The following SLAIN2 variants were observed in gnomAD, a reference collection of about 807,000 sequenced individuals.
The protein encoded by SLAIN2 is SLAIN family member 2, also known as SLAIN motif-containing protein 2.
SLAIN2 carries 31 observed loss-of-function variants against 56.6 expected under a neutral mutation model. The observed-to-expected ratio is 0.55, with a 90% confidence interval of 0.41 to 0.74. The LOEUF is 0.74. SLAIN2 is among the 30% of genes least tolerant of loss of function. The probability of loss-of-function intolerance (pLI) is 0.00; values close to 1 mark genes in which losing one functional copy is unlikely to be tolerated. For missense variants in SLAIN2, 777 were observed against 754.2 expected, an observed-to-expected ratio of 1.03 and a Z score of -0.35; for synonymous variants, 317 against 284.9, an observed-to-expected ratio of 1.11 and a Z score of -1.13.
chr4:48,412,802 T>C (rs554490485), intron 6 of SLAIN2, among the ~76,000 whole-genome samples: 1 of 152,318 alleles, frequency 6.6e-6, no homozygotes, highest in South Asian at 2.1e-4. Context: ...GGTTTCTGTG[T>C]CTTTCTCTTT....
Position 48,383,610 on chromosome 4 carries a change from AGAATAT to A in SLAIN2, c.1223-34_1223-29del, listed in dbSNP as rs749099253. On this transcript the variant is annotated intron_variant, in intron 5 of 7. Coordinates refer to ENST00000264313, the MANE Select transcript of SLAIN2 (RefSeq NM_020846.2). ...AATATTTTAATTTTCTCCATCTGAA[AGAATAT>A]GATTTTTTTAAAATTAAAATTCTGT... is the stretch of plus-strand genomic sequence containing the variant. 8 of 1,464,352 alleles carry A rather than the reference AGAATAT, an allele frequency of 5.5e-6. No homozygotes were observed. In the South Asian group the frequency reaches 7.2e-5, roughly 13 times the overall value. The allele number at this position is 1,464,352 out of a possible 1,614,324, so 90.7% of individuals were successfully genotyped here. A position where few individuals can be genotyped will look rare whatever the true frequency, so the allele number is the denominator to read the frequency against.
chr4:48,418,485 A>G (rs1351412989), intron 6 of SLAIN2, among the ~76,000 whole-genome samples: 1 of 152,148 alleles, frequency 6.6e-6, no homozygotes, highest in Non-Finnish European at 1.5e-5. Context: ...CCAACCTTGC[A>G]TCTTGGAATA....
intron 1 of SLAIN2, among the ~76,000 whole-genome samples, chr4:48,367,894 C>T (rs1715561220): frequency 6.6e-6 from 1 of 151,940 alleles, no homozygotes; most frequent in Non-Finnish European, 1.5e-5. Flanking sequence ...AATTTTAGAA[C>T]ATCTATATCA....
At chr4:48,396,723 G>T (rs1716399439) in intron 6 of SLAIN2, among the ~76,000 whole-genome samples, 1 of 152,182 alleles carries the variant, frequency 6.6e-6, no homozygotes, top group African/African-American at 2.4e-5. Context: ...CCATCCTGGG[G>T]ATGAACCTGT....
At chr4:48,385,938 A>C (rs563553561) in intron 6 of SLAIN2, among the ~76,000 whole-genome samples, 13 of 151,902 alleles carry the variant, frequency 8.6e-5, no homozygotes, top group African/African-American at 3.1e-4. Flanking sequence ...GTCTCTAAAA[A>C]AATGTTTTTT....
chr4:48,355,694 T>C (rs1259268870), intron 1 of SLAIN2, among the ~76,000 whole-genome samples: 2 of 152,130 alleles, frequency 1.3e-5, no homozygotes, highest in South Asian at 2.1e-4. Flanking sequence ...AACATAAAAA[T>C]ATGTTAAACT....
At chr4:48,371,127 A>G (rs537333617) in intron 2 of SLAIN2, among the ~76,000 whole-genome samples, 304 of 137,070 alleles carry the variant, frequency 2.2e-3, no homozygotes, top group African/African-American at 7.8e-3. Context: ...TTTTTTTGAT[A>G]TGGAGTCTCA....
chr4:48,362,522 G>T (rs1025522350), intron 1 of SLAIN2, among the ~76,000 whole-genome samples: 1 of 148,670 alleles, frequency 6.7e-6, no homozygotes, highest in Non-Finnish European at 1.5e-5. Flanking sequence ...AGGTTCAAGC[G>T]ATTCTCCTGC....
chr4:48,392,913 A>G (rs895082573), intron 6 of SLAIN2, among the ~76,000 whole-genome samples: 22 of 149,738 alleles, frequency 1.5e-4, no homozygotes, highest in African/African-American at 5.0e-4. Context: ...CATTATACCT[A>G]AAACAGTACC....
At chr4:48,419,161 AC>A (rs1717079932) in intron 6 of SLAIN2, among the ~76,000 whole-genome samples, 2 of 150,412 alleles carry the variant, frequency 1.3e-5, no homozygotes, top group Admixed American at 1.3e-4. Context: ...GGAATGCAGT[AC>A]CGCGATCCCC....
chr4:48,352,475 G>A (rs1459015079), intron 1 of SLAIN2, among the ~76,000 whole-genome samples: 3 of 152,118 alleles, frequency 2.0e-5, no homozygotes, highest in African/African-American at 7.2e-5. Flanking sequence ...ATGTCATTTT[G>A]ATCTTATTAA....
At chr4:48,352,443 A>G (rs1715038437) in intron 1 of SLAIN2, among the ~76,000 whole-genome samples, 1 of 152,224 alleles carries the variant, frequency 6.6e-6, no homozygotes, top group South Asian at 2.1e-4. Context: ...TTCCTCTTAA[A>G]AAACATTCAC....
At chr4:48,377,270 C>T (rs941128563) in intron 2 of SLAIN2, among the ~76,000 whole-genome samples, 9 of 151,816 alleles carry the variant, frequency 5.9e-5, no homozygotes, top group Non-Finnish European at 1.3e-4. Flanking sequence ...GCAACCTCTG[C>T]CTCCCGGGTT....
At chr4:48,390,808 GGCTTAGTAC>G (rs1200112202) in intron 6 of SLAIN2, among the ~76,000 whole-genome samples, 6 of 151,950 alleles carry the variant, frequency 3.9e-5, no homozygotes, top group African/African-American at 1.5e-4. Flanking sequence ...TCGATATTGG[GGCTTAGTAC>G]ATCATAGCCA....
intron 6 of SLAIN2, among the ~76,000 whole-genome samples, chr4:48,393,424 A>T (rs1311089593): frequency 1.6e-5 from 1 of 60,868 alleles, no homozygotes; most frequent in African/African-American, 7.2e-5. Flanking sequence ...GTGTGTGTGT[A>T]GACAGAGTCT....
intron 1 of SLAIN2, among the ~76,000 whole-genome samples, chr4:48,363,528 C>T (rs1715395030): frequency 1.4e-5 from 1 of 71,646 alleles, no homozygotes; most frequent in Non-Finnish European, 3.3e-5. Flanking sequence ...CGGGCAGAGG[C>T]GCCCCTCACC....
chr4:48,382,413 A>G (rs1482211191), intron 4 of SLAIN2, among the ~76,000 whole-genome samples, 155 bp from the exon 5 acceptor site: 1 of 152,212 alleles, frequency 6.6e-6, no homozygotes, highest in East Asian at 1.9e-4. Context: ...TTATATGGAC[A>G]TATAAGCCTA....
At chr4:48,412,115 AC>A (rs1363554515) in intron 6 of SLAIN2, among the ~76,000 whole-genome samples, 1 of 152,144 alleles carries the variant, frequency 6.6e-6, no homozygotes, top group Non-Finnish European at 1.5e-5. Context: ...TCCTCACTAG[AC>A]ACTCTAAGGT....
In SLAIN2 at chr4:48,424,313, T is replaced by C. The variant is rs1717244457; in HGVS notation, c.*2236T>C. 1 of 152,144 alleles carries C rather than the reference T, an allele frequency of 6.6e-6. No individual in the cohort carries two copies. Among genetic ancestry groups the C allele is most frequent in the Non-Finnish European group, 1.5e-5 (1 of 68,008 alleles). The allele number at this position is 152,144 out of a possible 1,614,324, so 9.4% of individuals were successfully genotyped here. A position where few individuals can be genotyped will look rare whatever the true frequency, so the allele number is the denominator to read the frequency against. ...GCCTTTGTATATTGCAATTTTTCTG[T>C]TTGGGAAAATCTAAGGATTTACTGT... On this transcript the variant is annotated 3_prime_UTR_variant, in exon 8 of 8. Transcript: ENST00000264313.
Sources: gnomAD v4.1 joint callset for allele counts (sites outside exome capture counted in the v4.1 genomes callset) on GRCh38, gnomAD v4.1.1 for gene constraint, MANE v1.5 for transcripts, NCBI Gene and HGNC (gene_info 2026-07-23, HGNC 2026-07-21) for gene names.